The following SLC30A7 variants were observed in gnomAD, a reference collection of about 807,000 sequenced individuals.
The protein encoded by SLC30A7 is zinc transporter 7.
SLC30A7 carries 35 observed loss-of-function variants against 46.0 expected under a neutral mutation model. The ratio of observed to expected loss-of-function variants is 0.76; its 90% CI spans 0.58 to 1.01. The LOEUF (loss-of-function observed/expected upper bound fraction) is 1.01, where lower values mean the gene tolerates loss of function less well. SLC30A7 is among the 50% of genes least tolerant of loss of function. The pLI is 0.00. For synonymous variants in SLC30A7, 147 were observed against 157.8 expected (o/e 0.93, Z 0.51); for missense variants, 464 against 451.1 (o/e 1.03, Z -0.26).
At chr1:100,962,218 A>G (rs962571512) in intron 9 of SLC30A7, among the ~76,000 whole-genome samples, 1 of 152,188 alleles carries the variant, frequency 6.6e-6, no homozygotes, top group Non-Finnish European at 1.5e-5. Context: ...ACTCTACCAG[A>G]TACTCTTCTA....
At chr1:100,959,574 G>A (rs1655425048) in intron 8 of SLC30A7, among the ~76,000 whole-genome samples, 1 of 152,212 alleles carries the variant, frequency 6.6e-6, no homozygotes, top group East Asian at 1.9e-4. Context: ...GGTCTGTCTA[G>A]TATTTCTCAA....
At chr1:100,912,755 G>A (rs1227306841) in intron 5 of SLC30A7, among the ~76,000 whole-genome samples, 2 of 151,956 alleles carry the variant, frequency 1.3e-5, no homozygotes, top group African/African-American at 4.8e-5. Flanking sequence ...GCGCATTCCT[G>A]TAGTCTTAGC....
intron 10 of SLC30A7, among the ~76,000 whole-genome samples, chr1:100,974,062 G>C (rs1656316658): frequency 6.6e-6 from 1 of 152,168 alleles, no homozygotes; most frequent in African/African-American, 2.4e-5. Context: ...CCCAGAAGGG[G>C]ATGTAGGGTT....
intron 2 of SLC30A7, among the ~76,000 whole-genome samples, chr1:100,903,082 A>G (rs1420952028): frequency 6.6e-6 from 1 of 152,188 alleles, no homozygotes; most frequent in Non-Finnish European, 1.5e-5. Flanking sequence ...TTAAGAAATA[A>G]AAACATTTAG....
chr1:100,904,612 C>T (rs181906410), intron 2 of SLC30A7, among the ~76,000 whole-genome samples: 3 of 151,738 alleles, frequency 2.0e-5, no homozygotes, highest in African/African-American at 7.3e-5. Flanking sequence ...ACAGTAGATA[C>T]TGAGGTAATA....
chr1:100,907,031 T>C, intron 3 of SLC30A7, 66 bp downstream of exon 3: 1 of 1,054,938 alleles, frequency 9.5e-7, no homozygotes. Context: ...ACACTAATCT[T>C]AAGCTCAGTG....
chr1:100,955,883 A>T (rs1335522568), intron 8 of SLC30A7, among the ~76,000 whole-genome samples: 1 of 152,092 alleles, frequency 6.6e-6, no homozygotes, highest in African/African-American at 2.4e-5. Context: ...ATTCTCTACC[A>T]TAGTTTTATG....
chr1:100,992,704 A>T, the SLC30A7 span: 29 of 1,613,744 alleles, frequency 1.8e-5, 2 homozygotes, highest in South Asian at 3.1e-4. Context: ...CTTGGTTTAC[A>T]CTCATATACC....
intron 8 of SLC30A7, among the ~76,000 whole-genome samples, chr1:100,958,324 C>T (rs1035477117): frequency 6.6e-6 from 1 of 152,022 alleles, no homozygotes; most frequent in Non-Finnish European, 1.5e-5. Context: ...CCACAGGCGC[C>T]GGCCATCACG....
downstream of SLC30A7, among the ~76,000 whole-genome samples, chr1:100,986,088 T>C (rs532905620): frequency 2.6e-5 from 4 of 152,202 alleles, no homozygotes; most frequent in East Asian, 7.7e-4. Context: ...CATTAGGTAT[T>C]GGGAAATACA....
At chr1:100,909,312 A>G (rs1317261437) in intron 3 of SLC30A7, among the ~76,000 whole-genome samples, 2 of 152,170 alleles carry the variant, frequency 1.3e-5, no homozygotes, top group Non-Finnish European at 2.9e-5. Context: ...GAGAGCAAGC[A>G]AGGACTTTTA....
intron 2 of SLC30A7, among the ~76,000 whole-genome samples, chr1:100,904,929 G>C (rs1390591867): frequency 6.6e-6 from 1 of 151,938 alleles, no homozygotes; most frequent in Non-Finnish European, 1.5e-5. Context: ...ACTCTACTGT[G>C]TGTATGTTTA....
chr1:100,979,436 C>CAAAAAAAAAAAAAAAAAAAAAAAAAAAAA lies in SLC30A7; in HGVS notation c.*4601_*4602insAAAAAAAAAAAAAAAAAAAAAAAAAAAAA, dbSNP rs67182429. ...CAAATACAGTGAAAGATTATGTATCCAAAAAAAAAAAAAAAAAAAAAAGAA... is the reference window on the plus strand; with the variant it reads ...CAAATACAGTGAAAGATTATGTATCCAAAAAAAAAAAAAAAAAAAAAAAAAAAAAAAAAAAAAAAAAAAAAAAAAAAGAA... On this transcript the variant is annotated 3_prime_UTR_variant, in exon 11 of 11. Transcript: ENST00000357650. 1.1e-5 allele frequency: 1 copy of CAAAAAAAAAAAAAAAAAAAAAAAAAAAAA among 90,578 alleles called. No homozygotes were observed. Among genetic ancestry groups the CAAAAAAAAAAAAAAAAAAAAAAAAAAAAA allele is most frequent in the Non-Finnish European group, 2.2e-5 (1 of 45,636 alleles). The allele number at this position is 90,578 out of a possible 1,614,324, so 5.6% of individuals were successfully genotyped here. A position where few individuals can be genotyped will look rare whatever the true frequency, so the allele number is the denominator to read the frequency against.
At chr1:100,907,079 C>A (rs1651724933) in intron 3 of SLC30A7, 114 bp downstream of exon 3, 2 of 668,388 alleles carry the variant, frequency 3.0e-6, no homozygotes, top group South Asian at 3.9e-5. Context: ...ACTTTTGAAT[C>A]TTTGAAGCCC....
At chr1:100,918,785 A>G (rs143037890) in intron 7 of SLC30A7, among the ~76,000 whole-genome samples, 7 of 152,322 alleles carry the variant, frequency 4.6e-5, no homozygotes, top group African/African-American at 1.7e-4. Flanking sequence ...AGAGTACAGT[A>G]TCAGTTGTTT....
downstream of SLC30A7, among the ~76,000 whole-genome samples, chr1:100,983,852 T>C (rs547754624): frequency 5.9e-5 from 9 of 152,378 alleles, no homozygotes; most frequent in Non-Finnish European, 8.8e-5. Context: ...TCATTGTGAC[T>C]TGTAAAATTA....
intron 3 of SLC30A7, among the ~76,000 whole-genome samples, chr1:100,910,435 A>G (rs1213589946): frequency 4.6e-5 from 7 of 152,288 alleles, no homozygotes; most frequent in African/African-American, 1.7e-4. Context: ...TAGTTTAATT[A>G]GAATTATGTG....
rs187179422 is a variant in SLC30A7, at chr1:100,921,858, C to A, written c.842+17C>A. The A allele has an allele frequency of 6.3e-7, 1 of 1,585,576 alleles. No individual in the cohort carries two copies. Among genetic ancestry groups the A allele is most frequent in the East Asian group, 2.3e-5 (1 of 43,418 alleles). Reference sequence around the variant, plus strand: ...AGTTGTAAGGTAAGTGTTATTGTTACTTTCAAGTATTAAAGTGAGACTGAG... The same window carrying A: ...AGTTGTAAGGTAAGTGTTATTGTTAATTTCAAGTATTAAAGTGAGACTGAG... On this transcript the variant is annotated intron_variant, in intron 8 of 10. Coordinates refer to ENST00000357650, the MANE Select transcript of SLC30A7 (RefSeq NM_133496.5).
the SLC30A7 span, chr1:100,990,283 C>A: frequency 1.2e-6 from 1 of 850,384 alleles, no homozygotes; most frequent in African/African-American, 1.7e-5. Flanking sequence ...GATTCAATTA[C>A]CTACCACAAC....
Sources: gnomAD v4.1 joint callset for allele counts (sites outside exome capture counted in the v4.1 genomes callset) on GRCh38, gnomAD v4.1.1 for gene constraint, MANE v1.5 for transcripts, NCBI Gene and HGNC (gene_info 2026-07-23, HGNC 2026-07-21) for gene names.